CCDC141: variants seen among roughly 807,000 people sequenced by gnomAD.
CCDC141 encodes coiled-coil domain-containing protein 141.
CCDC141 carries 168 observed loss-of-function variants against 181.0 expected under a neutral mutation model. The observed-to-expected ratio is 0.93, with a 90% CI of 0.82 to 1.05. CCDC141 has a LOEUF of 1.05. CCDC141 is among the 50% of genes least tolerant of loss of function. CCDC141 has a pLI of 0.00. For missense variants in CCDC141, 1,902 were observed against 1,788.5 expected, an observed-to-expected ratio of 1.06 and a Z score of -1.14; for synonymous variants, 666 against 642.3, an observed-to-expected ratio of 1.04 and a Z score of -0.56.
In CCDC141 at chr2:178,832,473, A is replaced by C. The variant is rs546050846; in HGVS notation, c.*1700T>G. The C allele has an allele frequency of 3.7e-4, 55 of 148,378 alleles. No homozygotes were observed. Among genetic ancestry groups the C allele is most frequent in the African/African-American group, 1.3e-3 (51 of 39,816 alleles). 9.2% of individuals were successfully genotyped at this position (148,378 alleles called of 1,614,324 possible). On this transcript the variant is annotated 3_prime_UTR_variant, in exon 24 of 24. Transcript: ENST00000443758. ...AGAGCAAGACTCTTTCTCAAAAAAA[A>C]AAAAAAAAAACAAAAAAAACAAAAA...
chr2:178,881,915 T>TCACACACA (rs55791403), intron 11 of CCDC141, among the ~76,000 whole-genome samples: 4 of 92,286 alleles, frequency 4.3e-5, no homozygotes, highest in Admixed American at 1.2e-4. Flanking sequence ...TCTCTCTCTC[T>TCACACACA]CACACACACA....
Position 178,975,108 on chromosome 2 carries a change from T to C in CCDC141, c.475A>G (p.Ser159Gly). Reference sequence around the variant, plus strand: ...AGAAGTGATTTTAAGGACTCAGCACTCTCAAACTCATGAGTATTCTGGAGG... The same window carrying C: ...AGAAGTGATTTTAAGGACTCAGCACCCTCAAACTCATGAGTATTCTGGAGG... ...DFLQNTHEFE[S>G]AESLKSLLQL... The change falls in exon 4 of 24, where the codon AGT becomes GGT. Residue 159 changes from serine to glycine, a missense_variant. Transcript: ENST00000443758. 6.5e-7 allele frequency: 1 copy of C among 1,530,174 alleles called. No individual in the cohort carries two copies. Among genetic ancestry groups the C allele is most frequent in the Non-Finnish European group, 8.8e-7 (1 of 1,131,776 alleles). The allele number at this position is 1,530,174 out of a possible 1,614,324, so 94.8% of individuals were successfully genotyped here. A position where few individuals can be genotyped will look rare whatever the true frequency, so the allele number is the denominator to read the frequency against.
At chr2:178,820,251 G>A in the CCDC141 span, among the ~76,000 whole-genome samples, 6 of 152,130 alleles carry the variant, frequency 3.9e-5, no homozygotes, top group African/African-American at 1.4e-4. Context: ...TGACCTGTGA[G>A]CTACATTCCT....
Position 178,978,631 on chromosome 2 carries a change from C to T in CCDC141, c.270G>A (p.Lys90=), listed in dbSNP as rs777837023. 1.9e-6 allele frequency: 3 copies of T among 1,547,398 alleles called. 1 individual carries two copies. In the South Asian group the frequency reaches 3.6e-5, roughly 18 times the overall value. ...TCTGATCCTTGTTCTCTTCAGCTGT[C>T]TTGTCTGCTTCCTGCAAGAGTTCCC... is the stretch of plus-strand genomic sequence containing the variant. ...RVWELLQEAD[K]TAEENKDQSQ... Residue 90 remains lysine (K), a synonymous_variant, in exon 3 of 24, where the codon AAG becomes AAA. Coordinates refer to ENST00000443758, the MANE Select transcript of CCDC141 (RefSeq NM_173648.4).
chr2:178,859,511 AC>A (rs1395312885), intron 17 of CCDC141, among the ~76,000 whole-genome samples: 1 of 151,982 alleles, frequency 6.6e-6, no homozygotes, highest in Admixed American at 6.6e-5. Context: ...GGAGAAAAAC[AC>A]CCCAAGCTTG....
intron 6 of CCDC141, among the ~76,000 whole-genome samples, chr2:178,933,549 A>C (rs1689175919): frequency 6.6e-5 from 10 of 152,170 alleles, no homozygotes; most frequent in Admixed American, 6.6e-4. Flanking sequence ...TTAAAGATGG[A>C]GATTAATAAC....
chr2:178,953,354 A>G, intron 5 of CCDC141, among the ~76,000 whole-genome samples: 1 of 151,632 alleles, frequency 6.6e-6, no homozygotes, highest in Non-Finnish European at 1.5e-5. Context: ...GGAGAATGGC[A>G]TGAACCCGGG....
intron 12 of CCDC141, 48 bp from the exon 13 acceptor site, chr2:178,872,360 C>A (rs1275173815): frequency 6.6e-7 from 1 of 1,513,830 alleles, no homozygotes; most frequent in African/African-American, 1.4e-5. Context: ...CCAAGAGATA[C>A]AGCTTTTTGT....
the CCDC141 span, among the ~76,000 whole-genome samples, chr2:178,818,817 C>A: frequency 1.3e-5 from 2 of 152,048 alleles, no homozygotes; most frequent in African/African-American, 2.4e-5. Flanking sequence ...CTGGGTCAAA[C>A]GGTATTTCTG....
intron 4 of CCDC141, 98 bp from the exon 5 acceptor site, chr2:178,961,581 ATG>A: frequency 1.0e-6 from 1 of 1,003,958 alleles, no homozygotes; most frequent in Non-Finnish European, 1.4e-6. Context: ...TGTAATTTTT[ATG>A]TTAATAAAAA....
intron 16 of CCDC141, 61 bp downstream of exon 16, chr2:178,867,965 A>G: frequency 2.2e-6 from 3 of 1,372,604 alleles, no homozygotes; most frequent in Non-Finnish European, 3.0e-6. Context: ...GGTTTCTTTC[A>G]TATGCTAGCC....
At chr2:178,899,057 T>C (rs1431209774) in intron 8 of CCDC141, among the ~76,000 whole-genome samples, 3 of 152,214 alleles carry the variant, frequency 2.0e-5, no homozygotes, top group Non-Finnish European at 4.4e-5. Flanking sequence ...TTATACACTG[T>C]ATAACATTTC....
chr2:178,961,893 TG>T (rs1444545183), intron 4 of CCDC141, among the ~76,000 whole-genome samples: 1 of 152,150 alleles, frequency 6.6e-6, no homozygotes, highest in African/African-American at 2.4e-5. Flanking sequence ...ACTCAATAAA[TG>T]TGGTGGCCAG....
intron 23 of CCDC141, chr2:178,836,166 T>A (rs1684468740): frequency 6.6e-6 from 1 of 152,480 alleles, no homozygotes; most frequent in African/African-American, 2.4e-5. Context: ...ACCCACATAT[T>A]GAGAAAGAAC....
intron 8 of CCDC141, among the ~76,000 whole-genome samples, chr2:178,904,502 G>T (rs1687866643): frequency 1.3e-5 from 2 of 152,114 alleles, no homozygotes; most frequent in African/African-American, 4.8e-5. Flanking sequence ...CCTATTTCAT[G>T]GTTCTTCAAA....
intron 6 of CCDC141, among the ~76,000 whole-genome samples, chr2:178,941,033 T>G (rs149648824): frequency 2.6e-5 from 4 of 152,366 alleles, no homozygotes; most frequent in Non-Finnish European, 5.9e-5. Context: ...TTTTCTGTCA[T>G]GACCATGGAT....
At chr2:178,962,383 C>T (rs979164561) in intron 4 of CCDC141, among the ~76,000 whole-genome samples, 2 of 152,150 alleles carry the variant, frequency 1.3e-5, no homozygotes, top group African/African-American at 4.8e-5. Flanking sequence ...CATCCCTCTC[C>T]TTCATCCCGC....
chr2:178,946,676 T>C (rs1689746696), intron 5 of CCDC141, among the ~76,000 whole-genome samples: 1 of 152,180 alleles, frequency 6.6e-6, no homozygotes, highest in Non-Finnish European at 1.5e-5. Flanking sequence ...CAAAGACTTG[T>C]CATCTAACAC....
Position 179,023,969 on chromosome 2 carries a change from T to G in CCDC141, c.225+23315A>C, listed in dbSNP as rs1227151628. On this transcript the variant is annotated intron_variant, in intron 2 of 23. Transcript: ENST00000443758. ...ACCACATTAATGTGACACTGTACTG[T>G]GCATAATGAGACATTGGTTGAGAAA... Among the ~76,000 whole-genome samples, 9 of 152,202 alleles carry G rather than the reference T, an allele frequency of 5.9e-5. No homozygotes were observed. The East Asian group carries it at 1.7e-3, about 29-fold the overall frequency.
Sources: gnomAD v4.1 joint callset for allele counts (sites outside exome capture counted in the v4.1 genomes callset) on GRCh38, gnomAD v4.1.1 for gene constraint, MANE v1.5 for transcripts, NCBI Gene and HGNC (gene_info 2026-07-23, HGNC 2026-07-21) for gene names.